Variants in SDK1 observed in about 807,000 individuals in gnomAD.
The protein encoded by SDK1 is protein sidekick-1.
SDK1 carries 157 observed loss-of-function variants against 245.5 expected under a neutral mutation model. The ratio of observed to expected loss-of-function variants is 0.64; its 90% CI spans 0.56 to 0.73. The LOEUF is 0.73. Ranked by LOEUF, SDK1 falls within the 30% of genes least tolerant of loss-of-function variation. The pLI, the probability that SDK1 is intolerant of heterozygous loss-of-function variation, is 0.00. For synonymous variants in SDK1, 1,647 were observed against 1,278.5 expected, an observed-to-expected ratio of 1.29 and a Z score of -6.15; for missense variants, 3,583 against 3,002.3, an observed-to-expected ratio of 1.19 and a Z score of -4.52.
chr7:3,926,189 G>T lies in SDK1; in HGVS notation c.848-24734G>T, dbSNP rs558549186. ...ATTCCCGTGGGAAGGGCATGGCTTT[G>T]GTGCTGAGCCTCTAGATGGTACAGA... On this transcript the variant is annotated intron_variant, in intron 5 of 44. Coordinates refer to ENST00000404826, the MANE Select transcript of SDK1 (RefSeq NM_152744.4). 4.6e-5 allele frequency among the ~76,000 whole-genome samples: 7 copies of T among 152,262 alleles called. No homozygotes were observed. The South Asian group carries it at 1.5e-3, about 32-fold the overall frequency.
intron 5 of SDK1, among the ~76,000 whole-genome samples, chr7:3,828,418 A>G (rs1282973959): frequency 2.0e-5 from 3 of 152,026 alleles, no homozygotes; most frequent in African/African-American, 4.8e-5. Context: ...ACGAAATTTT[A>G]TCTATGAAAA....
At chr7:4,136,026 C>T (rs1366444864) in intron 28 of SDK1, among the ~76,000 whole-genome samples, 2 of 152,124 alleles carry the variant, frequency 1.3e-5, no homozygotes, top group African/African-American at 2.4e-5. Flanking sequence ...TAAAGTGCGT[C>T]GGGAGGTATG....
At chr7:4,038,367 A>G (rs1268247150) in intron 17 of SDK1, among the ~76,000 whole-genome samples, 1 of 148,376 alleles carries the variant, frequency 6.7e-6, no homozygotes, top group Non-Finnish European at 1.5e-5. Flanking sequence ...GGGGCAAACA[A>G]TTGAAGACAG....
intron 39 of SDK1, 103 bp from the exon 40 acceptor site, chr7:4,221,136 T>A: frequency 1.4e-6 from 2 of 1,404,930 alleles, no homozygotes; most frequent in Non-Finnish European, 1.9e-6. Flanking sequence ...CCAGACACTC[T>A]GCAGCCTCGA....
chr7:3,658,773 C>A (rs1191279397), intron 4 of SDK1, among the ~76,000 whole-genome samples: 2 of 152,058 alleles, frequency 1.3e-5, no homozygotes, highest in African/African-American at 4.8e-5. Flanking sequence ...TGCCACCACA[C>A]CTGACTAATG....
intron 30 of SDK1, among the ~76,000 whole-genome samples, chr7:4,152,899 C>T (rs766977973): frequency 2.6e-5 from 4 of 152,122 alleles, no homozygotes; most frequent in African/African-American, 4.8e-5. Context: ...GGGTCTGAGA[C>T]GTGTTCAGGT....
chr7:3,845,769 C>G (rs1452183439), intron 5 of SDK1, among the ~76,000 whole-genome samples: 1 of 151,076 alleles, frequency 6.6e-6, no homozygotes, highest in Non-Finnish European at 1.5e-5. Flanking sequence ...TAACACTGAA[C>G]AGGTTGCTTG....
intron 4 of SDK1, among the ~76,000 whole-genome samples, chr7:3,812,797 G>C (rs1779417159): frequency 6.6e-6 from 1 of 152,178 alleles, no homozygotes; most frequent in African/African-American, 2.4e-5. Flanking sequence ...CTGCCTGCCT[G>C]AATGCAGTTG....
intron 17 of SDK1, among the ~76,000 whole-genome samples, chr7:4,047,009 C>A (rs911726044): frequency 4.6e-5 from 7 of 152,024 alleles, no homozygotes; most frequent in Non-Finnish European, 1.0e-4. Flanking sequence ...GTTTGGTTTC[C>A]TTCATTCGTG....
intron 5 of SDK1, among the ~76,000 whole-genome samples, chr7:3,913,285 C>A (rs1001181165): frequency 6.6e-6 from 1 of 150,884 alleles, no homozygotes; most frequent in Non-Finnish European, 1.5e-5. Flanking sequence ...CTTTCTCTTA[C>A]ACTTATCTTT....
At chr7:4,058,558 A>G (rs761903708) in intron 19 of SDK1, among the ~76,000 whole-genome samples, 1 of 152,236 alleles carries the variant, frequency 6.6e-6, no homozygotes, top group African/African-American at 2.4e-5. Flanking sequence ...ATTGTAGTCA[A>G]ATTATCAAAA....
intron 14 of SDK1, among the ~76,000 whole-genome samples, chr7:4,008,599 G>A (rs540456761): frequency 2.0e-5 from 3 of 152,312 alleles, no homozygotes; most frequent in South Asian, 4.1e-4. Flanking sequence ...AGGGGAAGGG[G>A]TGTTCTGTAA....
chr7:3,501,852 G>T (rs928455356), intron 1 of SDK1, among the ~76,000 whole-genome samples: 14 of 152,070 alleles, frequency 9.2e-5, no homozygotes, highest in African/African-American at 3.4e-4. Context: ...TGTTCTCTAA[G>T]ATTCTGTATT....
In SDK1 at chr7:3,639,024, A is replaced by C. The variant is rs533877612; in HGVS notation, c.479A>C (p.Gln160Pro). 6.2e-7 allele frequency: 1 copy of C among 1,603,156 alleles called. No homozygotes were observed. The highest frequency in any genetic ancestry group is 1.1e-5 in the South Asian group (1 of 89,826). ...SEYKYIIPSL[Q>P]KLDAGFYRCV... ...AACAGGTACATTATTCCATCTTTGCAGAAGCTCGATGCTGGGTTTTACCGC... is the reference window on the plus strand; with the variant it reads ...AACAGGTACATTATTCCATCTTTGCCGAAGCTCGATGCTGGGTTTTACCGC... The change falls in exon 3 of 45, where the codon CAG becomes CCG. Residue 160 changes from glutamine to proline, a missense_variant. Physicochemically the swap from Gln to Pro is moderately conservative, Grantham distance 76. Transcript: ENST00000404826.
rs896542847 is a variant in SDK1 at position 4,267,575 on chromosome 7, C to T, written c.*2191C>T. On this transcript the variant is annotated 3_prime_UTR_variant, in exon 45 of 45. Coordinates refer to ENST00000404826, the MANE Select transcript of SDK1 (RefSeq NM_152744.4). ...TTGGAAGAGAAGCGATAAATGGAGA[C>T]CATGGCCAGCGCTGCTTTCTGTGCA... The T allele has an allele frequency of 2.0e-6, 2 of 985,352 alleles. No homozygotes were observed. Among genetic ancestry groups the T allele is most frequent in the African/African-American group, 3.5e-5 (2 of 57,234 alleles). The allele number at this position is 985,352 out of a possible 1,614,324, so 61.0% of individuals were successfully genotyped here.
intron 2 of SDK1, among the ~76,000 whole-genome samples, chr7:3,625,154 A>G (rs1319986999): frequency 6.6e-6 from 1 of 152,230 alleles, no homozygotes; most frequent in Non-Finnish European, 1.5e-5. Flanking sequence ...TAAATTTTAG[A>G]TACAATGAAC....
At chr7:4,146,136 T>C (rs1046749073) in intron 29 of SDK1, among the ~76,000 whole-genome samples, 2 of 142,574 alleles carry the variant, frequency 1.4e-5, no homozygotes, top group Non-Finnish European at 3.2e-5. Context: ...ACCTGCTCTC[T>C]CAGACACGTG....
intron 5 of SDK1, among the ~76,000 whole-genome samples, chr7:3,903,929 T>C (rs1781877834): frequency 6.6e-6 from 1 of 152,114 alleles, no homozygotes; most frequent in South Asian, 2.1e-4. Context: ...TCTTGCTTTC[T>C]CTCTGGCCAT....
chr7:3,325,991 A>G (rs996407520), intron 1 of SDK1, among the ~76,000 whole-genome samples: 1 of 152,094 alleles, frequency 6.6e-6, no homozygotes, highest in Non-Finnish European at 1.5e-5. Flanking sequence ...CCAACCAAAT[A>G]AAAGGGCAGA....
Sources: gnomAD v4.1 joint callset for allele counts (sites outside exome capture counted in the v4.1 genomes callset) on GRCh38, gnomAD v4.1.1 for gene constraint, MANE v1.5 for transcripts, NCBI Gene and HGNC (gene_info 2026-07-23, HGNC 2026-07-21) for gene names.